The following P3H2 variants were observed in gnomAD, a reference collection of about 807,000 sequenced individuals.
P3H2 encodes prolyl 3-hydroxylase 2.
P3H2 carries 80 observed loss-of-function variants against 87.0 expected under a neutral mutation model. That is an observed-to-expected ratio of 0.92 (90% CI 0.77 to 1.11). The LOEUF is 1.11. Among genes scored for constraint, P3H2 ranks in the 50% least tolerant of loss-of-function variants. P3H2 has a pLI of 0.00. For synonymous variants in P3H2, 367 were observed against 359.3 expected (o/e 1.02, Z -0.24); for missense variants, 1,001 against 923.9 (o/e 1.08, Z -1.08).
intron 1 of P3H2, among the ~76,000 whole-genome samples, chr3:190,070,793 C>A (rs1343486725): frequency 6.6e-6 from 1 of 152,166 alleles, no homozygotes; most frequent in African/African-American, 2.4e-5. Flanking sequence ...TACATTCCAG[C>A]CCCTTGCTAC....
chr3:190,061,745 G>C (rs1286734674), intron 1 of P3H2, among the ~76,000 whole-genome samples: 1 of 152,062 alleles, frequency 6.6e-6, no homozygotes. Flanking sequence ...AAGTCTTTAA[G>C]GGTTTCTTAT....
intron 1 of P3H2, among the ~76,000 whole-genome samples, chr3:190,009,356 T>C (rs1724518870): frequency 1.3e-5 from 2 of 152,208 alleles, no homozygotes; most frequent in Non-Finnish European, 2.9e-5. Flanking sequence ...AAAGTCTATG[T>C]TGTTAGTTTG....
chr3:190,085,772 T>C (rs1488146371), intron 1 of P3H2, among the ~76,000 whole-genome samples: 2 of 152,200 alleles, frequency 1.3e-5, no homozygotes, highest in Admixed American at 6.5e-5. Flanking sequence ...TTCATTAATA[T>C]AGATCAAAAA....
At chr3:190,071,654 A>G (rs976254826) in intron 1 of P3H2, among the ~76,000 whole-genome samples, 1 of 152,198 alleles carries the variant, frequency 6.6e-6, no homozygotes, top group Non-Finnish European at 1.5e-5. Flanking sequence ...AGGCACATAC[A>G]TATTGAAATC....
intron 13 of P3H2, among the ~76,000 whole-genome samples, chr3:189,968,556 C>G (rs12486598): frequency 0.32 from 49,137 of 152,040 alleles, 8,479 homozygotes; most frequent in East Asian, 0.45. Flanking sequence ...AATAAACATA[C>G]ATGTGCATAT....
At chr3:189,979,677 G>A (rs1723466511) in intron 8 of P3H2, among the ~76,000 whole-genome samples, 1 of 151,954 alleles carries the variant, frequency 6.6e-6, no homozygotes, top group Non-Finnish European at 1.5e-5. Flanking sequence ...AATCTGGTGG[G>A]TGGGCTGAGC....
intron 1 of P3H2, among the ~76,000 whole-genome samples, chr3:190,039,305 T>C (rs539300157): frequency 1.3e-5 from 2 of 150,594 alleles, no homozygotes; most frequent in African/African-American, 2.4e-5. Flanking sequence ...CTACCAGCCA[T>C]AGTTAAATGG....
chr3:189,970,066 TG>T (rs1409711961), intron 13 of P3H2, among the ~76,000 whole-genome samples: 1 of 150,744 alleles, frequency 6.6e-6, no homozygotes, highest in African/African-American at 2.4e-5. Context: ...GTCGTTGAAT[TG>T]AACTTTTGAT....
intron 1 of P3H2, among the ~76,000 whole-genome samples, chr3:190,052,691 A>G (rs550284850): frequency 0.011 from 1,699 of 148,038 alleles, 32 homozygotes; most frequent in African/African-American, 0.04. Flanking sequence ...GTGTGTGTGT[A>G]TATATATATA....
At chr3:189,966,454 G>A (rs1395809615) in intron 13 of P3H2, among the ~76,000 whole-genome samples, 4 of 152,140 alleles carry the variant, frequency 2.6e-5, no homozygotes, top group East Asian at 3.9e-4. Context: ...TGTATGAGGC[G>A]GTTGGAACTG....
Position 189,995,312 on chromosome 3 carries a change from T to C in P3H2, c.611A>G (p.Asp204Gly). The C allele has an allele frequency of 6.2e-7, 1 of 1,614,150 alleles. No individual in the cohort carries two copies. The highest frequency in any genetic ancestry group is 8.5e-7 in the Non-Finnish European group (1 of 1,180,018). Residue 204 changes from aspartate (D) to glycine (G), a missense_variant, in exon 2 of 15, where the codon GAC (aspartate) becomes GGC (glycine). Asp to Gly is a moderately conservative substitution (Grantham distance 94). Transcript: ENST00000319332. ...TACCATGTGTGGCTTGGCTTCTCTG[T>C]CTACCAACTGCAATGCTTCAACACC... ...TAGVEALQLV[D>G]REAKPHMESY...
At chr3:190,083,227 T>C (rs1306807902) in intron 1 of P3H2, among the ~76,000 whole-genome samples, 1 of 152,202 alleles carries the variant, frequency 6.6e-6, no homozygotes, top group Non-Finnish European at 1.5e-5. Flanking sequence ...CAAAACATCT[T>C]ATTTTACGGG....
chr3:190,086,436 C>A (rs1337572747), intron 1 of P3H2, among the ~76,000 whole-genome samples: 1 of 152,160 alleles, frequency 6.6e-6, no homozygotes, highest in African/African-American at 2.4e-5. Context: ...CAGCTCATCT[C>A]TCTAATTCCC....
chr3:189,987,479 TAAAAA>T, intron 5 of P3H2, 43 bp downstream of exon 5: 31 of 1,409,360 alleles, frequency 2.2e-5, no homozygotes, highest in African/African-American at 4.8e-5. Context: ...AACTCTGTCT[TAAAAA>T]AAAAAAAAAA....
chr3:190,087,275 G>A (rs1167694544), intron 1 of P3H2, among the ~76,000 whole-genome samples: 2 of 152,048 alleles, frequency 1.3e-5, no homozygotes, highest in African/African-American at 2.4e-5. Context: ...GGTGGCTCAC[G>A]CCTGTAATCC....
intron 1 of P3H2, among the ~76,000 whole-genome samples, chr3:190,009,026 G>C (rs900634715): frequency 6.6e-6 from 1 of 152,188 alleles, no homozygotes; most frequent in African/African-American, 2.4e-5. Flanking sequence ...TACAAATATG[G>C]CATCTGTAAC....
chr3:189,962,441 C>T (rs1405979935), intron 14 of P3H2, among the ~76,000 whole-genome samples: 1 of 152,180 alleles, frequency 6.6e-6, no homozygotes, highest in Non-Finnish European at 1.5e-5. Context: ...TCCAAAAGTG[C>T]AGGGATTATA....
At chr3:189,964,140 A>G (rs1310780291) in intron 13 of P3H2, 42 bp from the exon 14 acceptor site, 1 of 1,585,980 alleles carries the variant, frequency 6.3e-7, no homozygotes, top group Non-Finnish European at 8.7e-7. Context: ...TTGTTGTATC[A>G]TAAACATTTC....
intron 1 of P3H2, among the ~76,000 whole-genome samples, chr3:190,109,370 T>C (rs1333640308): frequency 1.3e-5 from 2 of 152,164 alleles, no homozygotes; most frequent in Non-Finnish European, 2.9e-5. Flanking sequence ...CTTCTGTGAG[T>C]TGGCATTTTT....
Sources: allele counts gnomAD v4.1 joint callset (sites outside exome capture counted in the v4.1 genomes callset), GRCh38; gene constraint gnomAD v4.1.1; transcripts MANE v1.5; gene names NCBI Gene and HGNC (gene_info 2026-07-23, HGNC 2026-07-21).